The following TRIM37 variants were observed in gnomAD, a reference collection of about 807,000 sequenced individuals.
TRIM37 encodes the protein E3 ubiquitin-protein ligase TRIM37.
In TRIM37, 80 loss-of-function variants were observed where a neutral mutation model predicts 129.8. The observed-to-expected ratio is 0.62, with a 90% CI of 0.51 to 0.74. The LOEUF is 0.74. Among genes scored for constraint, TRIM37 ranks in the 30% least tolerant of loss-of-function variants. The probability of loss-of-function intolerance (pLI) is 0.00; values close to 1 mark genes in which losing one functional copy is unlikely to be tolerated. For missense variants in TRIM37, 1,054 were observed against 1,176.5 expected (o/e 0.90, Z 1.52); for synonymous variants, 389 against 387.1 (o/e 1.00, Z -0.06).
At chr17:59,062,040 A>T (rs1001609379) in intron 11 of TRIM37, among the ~76,000 whole-genome samples, 50 of 152,152 alleles carry the variant, frequency 3.3e-4, no homozygotes, top group African/African-American at 9.9e-4. Flanking sequence ...AAAAAAAAAA[A>T]AATAATCTGA....
At chr17:58,979,961 C>T (rs1567900013), downstream of TRIM37, 2 of 1,601,690 alleles carry the variant, frequency 1.2e-6, no homozygotes, top group African/African-American at 2.7e-5. Context: ...CCCCTACACT[C>T]TGCTTCCCGC....
At chr17:59,078,990 T>TA (rs1309036445) in intron 7 of TRIM37, among the ~76,000 whole-genome samples, 2 of 147,832 alleles carry the variant, frequency 1.4e-5, no homozygotes, top group Admixed American at 6.8e-5. Context: ...ATAAAATGGA[T>TA]AAAATCATTA....
At chr17:59,041,956 A>T in intron 16 of TRIM37, 58 bp from the exon 17 acceptor site, 1 of 1,210,590 alleles carries the variant, frequency 8.3e-7, no homozygotes, top group South Asian at 1.2e-5. Flanking sequence ...GTTGTTTTTC[A>T]CACCTCAATA....
At chr17:59,037,364 C>T (rs980746247) in intron 17 of TRIM37, among the ~76,000 whole-genome samples, 1 of 151,606 alleles carries the variant, frequency 6.6e-6, no homozygotes, top group Non-Finnish European at 1.5e-5. Flanking sequence ...CGAGACCATC[C>T]TGGCTAACAC....
chr17:58,988,744 G>A (rs1461028854), intron 24 of TRIM37, among the ~76,000 whole-genome samples: 1 of 151,916 alleles, frequency 6.6e-6, no homozygotes, highest in Non-Finnish European at 1.5e-5. Flanking sequence ...GGAAACTCAG[G>A]GTCAGAAACA....
At position 59,090,408 on chromosome 17, in the gene TRIM37, T is replaced by C. The variant is rs973756544; in HGVS notation, c.164+892A>G. Among the ~76,000 whole-genome samples the C allele has an allele frequency of 2.6e-5, 4 of 152,228 alleles. 1 individual carries two copies. The highest frequency in any genetic ancestry group is 4.1e-4 in the South Asian group (2 of 4,824). ...ACATACGCATATATATATATAAATA[T>C]AGGCACAATCATACTGGATTAGGGC... On this transcript the variant is annotated intron_variant, in intron 3 of 23. Transcript: ENST00000262294.
chr17:59,100,187 A>T (rs1318088446), intron 2 of TRIM37, among the ~76,000 whole-genome samples: 2 of 152,148 alleles, frequency 1.3e-5, no homozygotes, highest in Non-Finnish European at 2.9e-5. Context: ...CAAGTATTTT[A>T]GAAAATAGCT....
rs1320873115 is a variant in TRIM37, at chr17:59,025,360, GA to G, written c.2257+3054del. On this transcript the variant is annotated intron_variant, in intron 19 of 23. Coordinates refer to ENST00000262294, the MANE Select transcript of TRIM37 (RefSeq NM_015294.6). ...CCTTCCAAATAAAAATAAGACCCAT[GA>G]ATATTATTGCCATGAATATTATTAT... Among the ~76,000 whole-genome samples, 6 of 151,092 alleles carry G rather than the reference GA, an allele frequency of 4.0e-5. No individual in the cohort carries two copies. The Admixed American group carries it at 4.0e-4, about 10-fold the overall frequency.
At chr17:59,067,908 A>C (rs2042045281) in intron 9 of TRIM37, among the ~76,000 whole-genome samples, 1 of 152,232 alleles carries the variant, frequency 6.6e-6, no homozygotes, top group African/African-American at 2.4e-5. Flanking sequence ...TCTTTAATAA[A>C]TAACACTTCA....
intron 22 of TRIM37, 55 bp downstream of exon 22, chr17:59,012,273 A>G (rs1337989803): frequency 1.1e-6 from 1 of 885,310 alleles, no homozygotes; most frequent in Non-Finnish European, 1.7e-6. Flanking sequence ...ACCCACCACC[A>G]AAAAAGGGAC....
At chr17:59,021,760 A>G (rs966821786) in intron 19 of TRIM37, among the ~76,000 whole-genome samples, 11 of 152,108 alleles carry the variant, frequency 7.2e-5, no homozygotes, top group Admixed American at 1.3e-4. Flanking sequence ...AAAATAACTA[A>G]AAGAGTACAA....
At chr17:59,097,549 A>C (rs760338853) in intron 2 of TRIM37, among the ~76,000 whole-genome samples, 1 of 152,022 alleles carries the variant, frequency 6.6e-6, no homozygotes, top group Non-Finnish European at 1.5e-5. Flanking sequence ...TAAAATGCTT[A>C]GGGAAAAAAA....
the TRIM37 span, among the ~76,000 whole-genome samples, chr17:58,976,717 A>T: frequency 6.6e-6 from 1 of 152,210 alleles, no homozygotes; most frequent in Non-Finnish European, 1.5e-5. Flanking sequence ...CATGAATTTG[A>T]CACCCAACAG....
Position 59,047,729 on chromosome 17 carries a change from T to C in TRIM37, c.1621A>G (p.Thr541Ala), listed in dbSNP as rs766528602. 2 of 1,614,050 alleles carry C rather than the reference T, an allele frequency of 1.2e-6. No individual in the cohort carries two copies. Among genetic ancestry groups the C allele is most frequent in the Admixed American group, 1.7e-5 (1 of 60,024 alleles). ...TTTTCTTCTGTATTACTTGTTGCTG[T>C]GGAACTAGCAGAGGAACTGCTGCCA... ...LDGSSSSASSTATSNTEENDI... is the reference protein window; with the variant it reads ...LDGSSSSASSAATSNTEENDI... Residue 541 changes from threonine (T) to alanine (A), a missense_variant, in exon 16 of 24, where the codon ACA becomes GCA. Thr to Ala is a moderately conservative substitution (Grantham distance 58). This residue lies in a region of TRIM37 where 752 missense variants were observed against 870.8 expected (regional missense o/e 0.86). Coordinates refer to ENST00000262294, the MANE Select transcript of TRIM37 (RefSeq NM_015294.6).
intron 24 of TRIM37, among the ~76,000 whole-genome samples, chr17:58,991,485 G>A (rs1239075611): frequency 2.0e-5 from 3 of 151,800 alleles, no homozygotes; most frequent in Admixed American, 6.6e-5. Flanking sequence ...CCAGTGAGCC[G>A]AGATAAAAAA....
intron 22 of TRIM37, among the ~76,000 whole-genome samples, chr17:59,010,446 T>G (rs1023170692): frequency 1.3e-5 from 2 of 152,306 alleles, no homozygotes; most frequent in Middle Eastern, 3.4e-3. Context: ...AAATGCAACA[T>G]CCGGTAAATT....
intron 18 of TRIM37, among the ~76,000 whole-genome samples, chr17:59,031,495 T>A (rs2037838578): frequency 6.6e-6 from 1 of 152,254 alleles, no homozygotes; most frequent in African/African-American, 2.4e-5. Context: ...CATACATTTT[T>A]AAGCTACTGA....
intron 17 of TRIM37, among the ~76,000 whole-genome samples, chr17:59,033,998 T>G (rs2038178210): frequency 6.6e-6 from 1 of 151,338 alleles, no homozygotes; most frequent in Admixed American, 6.6e-5. Context: ...TCCCAGCTAC[T>G]CGGGAGGCTG....
intron 17 of TRIM37, among the ~76,000 whole-genome samples, chr17:59,034,099 T>G (rs973734013): frequency 2.0e-5 from 3 of 149,354 alleles, no homozygotes; most frequent in Non-Finnish European, 3.0e-5. Context: ...AGAGTGAGAC[T>G]CCATCTCAAA....
Sources: gnomAD v4.1 joint callset for allele counts (sites outside exome capture counted in the v4.1 genomes callset) on GRCh38, gnomAD v4.1.1 for gene constraint, gnomAD v4.1.1 regional missense constraint, MANE v1.5 for transcripts, NCBI Gene and HGNC (gene_info 2026-07-23, HGNC 2026-07-21) for gene names.